Variants in LRRK2 observed in about 807,000 individuals in gnomAD.
LRRK2 encodes the protein leucine-rich repeat serine/threonine-protein kinase 2.
LRRK2 carries 203 observed loss-of-function variants against 302.6 expected under a neutral mutation model. The observed-to-expected ratio is 0.67, with a 90% CI of 0.60 to 0.75. The LOEUF (loss-of-function observed/expected upper bound fraction) is 0.75, where lower values mean the gene tolerates loss of function less well. LRRK2 is among the 30% of genes least tolerant of loss of function. The pLI, the probability that LRRK2 is intolerant of heterozygous loss-of-function variation, is 0.00. For synonymous variants in LRRK2, 1,066 were observed against 1,031.9 expected, an observed-to-expected ratio of 1.03 and a Z score of -0.63; for missense variants, 2,830 against 2,951.0, an observed-to-expected ratio of 0.96 and a Z score of 0.95.
At chr12:40,281,028 A>G (rs538632377) in intron 18 of LRRK2, among the ~76,000 whole-genome samples, 12 of 150,852 alleles carry the variant, frequency 8.0e-5, no homozygotes, top group South Asian at 2.1e-4. Context: ...AGATCGCGCC[A>G]CTGCACTGCA....
At chr12:40,306,307 T>C (rs1339955572) in intron 28 of LRRK2, among the ~76,000 whole-genome samples, 1 of 151,972 alleles carries the variant, frequency 6.6e-6, no homozygotes, top group East Asian at 1.9e-4. Flanking sequence ...TAATAACTTC[T>C]CACACTGTAT....
chr12:40,255,180 T>G (rs1431356806), intron 11 of LRRK2, among the ~76,000 whole-genome samples: 2 of 152,080 alleles, frequency 1.3e-5, no homozygotes, highest in Admixed American at 1.3e-4. Flanking sequence ...TAAACTGTAG[T>G]AGGGAAGATA....
intron 14 of LRRK2, among the ~76,000 whole-genome samples, chr12:40,273,443 T>C (rs1447120125): frequency 2.0e-5 from 3 of 152,196 alleles, no homozygotes; most frequent in African/African-American, 4.8e-5. Context: ...CTGATGCTTC[T>C]CCTCAGCCTC....
Position 40,225,589 on chromosome 12 carries a change from G to A in LRRK2, c.186G>A (p.Val62=), listed in dbSNP as rs763779128. The change falls in exon 2 of 51, where the codon GTG becomes GTA. Residue 62 remains valine (V), a synonymous_variant. Coordinates refer to ENST00000298910, the MANE Select transcript of LRRK2 (RefSeq NM_198578.4). Reference sequence around the variant, plus strand: ...TATTTCAAGGCAAAAATATCCATGTGCCTCTGTTGATCGTCTTGGACTCCT... The same window carrying A: ...TATTTCAAGGCAAAAATATCCATGTACCTCTGTTGATCGTCTTGGACTCCT... ...SKLFQGKNIH[V]PLLIVLDSYM... is the part of the protein sequence containing the mutation. 16 of 1,613,978 alleles carry A rather than the reference G, an allele frequency of 9.9e-6. No individual in the cohort carries two copies. The East Asian group carries it at 3.3e-4, about 34-fold the overall frequency.
At chr12:40,354,639 C>A in intron 45 of LRRK2, 147 bp downstream of exon 45, 1 of 766,458 alleles carries the variant, frequency 1.3e-6, no homozygotes, top group Non-Finnish European at 2.2e-6. Context: ...TGTGGAAGGT[C>A]ACAGAGATAT....
intron 7 of LRRK2, among the ~76,000 whole-genome samples, chr12:40,247,949 G>A (rs1019148677): frequency 2.0e-5 from 3 of 151,774 alleles, no homozygotes; most frequent in African/African-American, 7.3e-5. Flanking sequence ...AGCAGTAAGG[G>A]ATGAAATCAG....
At chr12:40,229,955 CTTTT>C (rs71078229) in intron 2 of LRRK2, among the ~76,000 whole-genome samples, 2 of 92,902 alleles carry the variant, frequency 2.2e-5, no homozygotes, top group African/African-American at 3.8e-5. Context: ...TCCTATGTGA[CTTTT>C]TTTTTTTTTT....
rs917605741 is a variant in LRRK2 at position 40,274,934 on chromosome 12, G to T, written c.1882G>T (p.Ala628Ser). The change falls in exon 16 of 51, where the codon GCA (alanine) becomes TCA (serine). Residue 628 changes from alanine to serine, a missense_variant. By Grantham distance (99) the Ala-to-Ser change is moderately conservative (BLOSUM62 1). Coordinates refer to ENST00000298910, the MANE Select transcript of LRRK2 (RefSeq NM_198578.4). ...NVFIGTGHLL[A>S]KILVSSLYRF... ...GTTCATAGGAACTGGACATCTGCTG[G>T]CAAAAATTCTGGTTTCCAGCTTATA... 1.2e-6 allele frequency: 2 copies of T among 1,613,912 alleles called. No homozygotes were observed. Among genetic ancestry groups the T allele is most frequent in the Non-Finnish European group, 1.7e-6 (2 of 1,179,914 alleles).
At position 40,298,475 on chromosome 12, in the gene LRRK2, A is replaced by T; in HGVS notation, c.3329A>T (p.Glu1110Val). 6.2e-7 allele frequency: 1 copy of T among 1,613,942 alleles called. No individual in the cohort carries two copies. Among genetic ancestry groups the T allele is most frequent in the Non-Finnish European group, 8.5e-7 (1 of 1,179,952 alleles). The change falls in exon 24 of 51, where the codon GAG becomes GTG. Residue 1110 changes from glutamate to valine, a missense_variant. Physicochemically the swap from Glu to Val is moderately radical, Grantham distance 121. Transcript: ENST00000298910. ...CTCACTGATGTGGTAGAGAAACTGGAGCAGCTCATTTTAGAAGGGTAAGAA... is the reference window on the plus strand; with the variant it reads ...CTCACTGATGTGGTAGAGAAACTGGTGCAGCTCATTTTAGAAGGGTAAGAA... The part of the protein sequence containing the change: ...ENLTDVVEKL[E>V]QLILEGNKIS...
rs200935645 is a variant in LRRK2 at position 40,368,736 on chromosome 12, C to A, written c.*971C>A. ...AGAATTCCACAGCTCCTACCAAGACCATGAGGATAAATATCTAACACTTTT... is the reference window on the plus strand; with the variant it reads ...AGAATTCCACAGCTCCTACCAAGACAATGAGGATAAATATCTAACACTTTT... On this transcript the variant is annotated 3_prime_UTR_variant, in exon 51 of 51. Coordinates refer to ENST00000298910, the MANE Select transcript of LRRK2 (RefSeq NM_198578.4). The A allele has an allele frequency of 6.6e-6, 1 of 150,832 alleles. No homozygotes were observed. The highest frequency in any genetic ancestry group is 2.4e-5 in the African/African-American group (1 of 41,036). The allele number at this position is 150,832 out of a possible 1,614,324, so 9.3% of individuals were successfully genotyped here. A position where few individuals can be genotyped will look rare whatever the true frequency, so the allele number is the denominator to read the frequency against.
rs73108368 is a variant in LRRK2 at position 40,283,782 on chromosome 12, G to T, written c.2242-93G>T. On this transcript the variant is annotated intron_variant, in intron 18 of 50. Transcript: ENST00000298910. ...TTTTGTTTCATTCCAAATTGGAGAT[G>T]TAGAGAAAAATCACATGAAGTTTGA... 73,926 of 1,084,990 alleles carry T rather than the reference G, an allele frequency of 0.068. 2,956 individuals are homozygous for T. The highest frequency in any genetic ancestry group is 0.14 in the Admixed American group (5,887 of 43,220). 67.2% of individuals were successfully genotyped at this position (1,084,990 alleles called of 1,614,324 possible). A position where few individuals can be genotyped will look rare whatever the true frequency, so the allele number is the denominator to read the frequency against.
Position 40,251,350 on chromosome 12 carries a change from G to A in LRRK2, c.1077G>A (p.Trp359Ter). Reference protein sequence around the residue: ...WLEACYKALTWHRKNKHVQEA... With the variant: ...WLEACYKALT ...AAGCCTGTTACAAAGCATTAACGTG[G>A]CATAGAAAGAACAAGCACGTGCAGG... The change falls in exon 9 of 51, where the codon TGG becomes TGA. Residue 359 changes from tryptophan (W) to a stop codon, truncating the protein, a stop_gained. Transcript: ENST00000298910. LOFTEE classifies it high-confidence loss of function. 1 of 1,613,864 alleles carries A rather than the reference G, an allele frequency of 6.2e-7. No individual in the cohort carries two copies. The highest frequency in any genetic ancestry group is 8.5e-7 in the Non-Finnish European group (1 of 1,179,888).
Position 40,320,057 on chromosome 12 carries a change from A to C in LRRK2, c.4897A>C (p.Lys1633Gln). Residue 1633 changes from lysine to glutamine, a missense_variant, in exon 34 of 51, where the codon AAA becomes CAA. Around this residue, in one of 3 missense-constraint regions of LRRK2, gnomAD observed 2,121 missense variants for 2,148.0 expected, o/e 0.99. Transcript: ENST00000298910. The stretch of plus-strand genomic sequence containing the variant: ...CATTATTTCGCGTAGAGATGTGGAA[A>C]AATTTCTTTCAAAAAAAAGGAAATT... ...KGIISRRDVE[K>Q]FLSKKRKFPK... 1 of 1,611,950 alleles carries C rather than the reference A, an allele frequency of 6.2e-7. No individual in the cohort carries two copies. The highest frequency in any genetic ancestry group is 1.1e-5 in the South Asian group (1 of 90,632).
intron 20 of LRRK2, among the ~76,000 whole-genome samples, chr12:40,287,803 C>T (rs561967260): frequency 4.8e-4 from 73 of 152,002 alleles, no homozygotes; most frequent in Admixed American, 1.1e-3. Context: ...CGAGATTCCA[C>T]GCTCTGTCAT....
intron 18 of LRRK2, among the ~76,000 whole-genome samples, chr12:40,280,113 A>G (rs1943624141): frequency 6.6e-6 from 1 of 152,202 alleles, no homozygotes; most frequent in African/African-American, 2.4e-5. Context: ...CTCAAGGTAA[A>G]ACTCATCAAA....
At chr12:40,362,412 CCTT>C (rs1488541722) in intron 47 of LRRK2, among the ~76,000 whole-genome samples, 1 of 152,006 alleles carries the variant, frequency 6.6e-6, no homozygotes, top group African/African-American at 2.4e-5. Context: ...TACTGTAGTG[CCTT>C]CTTCTATTCC....
rs1378229737 is a variant in LRRK2, at chr12:40,351,555, A to G, written c.6398A>G (p.Asn2133Ser). 2.5e-6 allele frequency: 4 copies of G among 1,614,060 alleles called. No homozygotes were observed. In the African/African-American group the frequency reaches 4.0e-5, roughly 16 times the overall value. Residue 2133 changes from asparagine (N) to serine (S), a missense_variant, in exon 44 of 51, where the codon AAT (asparagine) becomes AGT (serine). By Grantham distance (46) the Asn-to-Ser change is conservative (BLOSUM62 1). Around this residue, in one of 3 missense-constraint regions of LRRK2, gnomAD observed 253 missense variants for 346.7 expected, o/e 0.73. Transcript: ENST00000298910. ...CTTTCTCAGGTCTTTGACATTTTGA[A>G]TTCAGCTGAATTAGTCTGTCTGACG... is the stretch of plus-strand genomic sequence containing the variant. ...PTSAQVFDILNSAELVCLTRR... is the reference protein window; with the variant it reads ...PTSAQVFDILSSAELVCLTRR...
Position 40,366,771 on chromosome 12 carries a change from G to A in LRRK2, c.7391-235G>A, listed in dbSNP as rs576005235. The A allele has an allele frequency of 9.5e-4, 423 of 446,558 alleles. 1 individual carries two copies. The highest frequency in any genetic ancestry group is 1.5e-3 in the Non-Finnish European group (376 of 242,994). 27.7% of individuals were successfully genotyped at this position (446,558 alleles called of 1,614,324 possible). ...GCCTATTTTATAGAAAGGTTAAGCT[G>A]TTTTCTCAGACTCACATAATTAAGA... On this transcript the variant is annotated intron_variant, in intron 49 of 50. Coordinates refer to ENST00000298910, the MANE Select transcript of LRRK2 (RefSeq NM_198578.4).
At position 40,225,242 on chromosome 12, in the gene LRRK2, A is replaced by C. The variant is rs1245773394; in HGVS notation, c.111A>C (p.Gln37His). 2 of 1,614,180 alleles carry C rather than the reference A, an allele frequency of 1.2e-6. No individual in the cohort carries two copies. The highest frequency in any genetic ancestry group is 1.7e-6 in the Non-Finnish European group (2 of 1,180,014). The change falls in exon 1 of 51, where the codon CAA becomes CAC. Residue 37 changes from glutamine (Q) to histidine (H), a missense_variant. Transcript: ENST00000298910. ...QEGKQIETLV[Q>H]ILEDLLVFTY... ...GAAAACAGATAGAAACGCTGGTCCA[A>C]ATCCTGGAGGATCTGCTGGTGTTCA...
Sources: allele counts gnomAD v4.1 joint callset (sites outside exome capture counted in the v4.1 genomes callset), GRCh38; gene constraint gnomAD v4.1.1; regional missense constraint gnomAD v4.1.1; transcripts MANE v1.5; gene names NCBI Gene and HGNC (gene_info 2026-07-23, HGNC 2026-07-21).